Variants in ZNF101 observed in about 807,000 individuals in gnomAD.
ZNF101 encodes the protein zinc finger protein 101.
In ZNF101, 34 loss-of-function variants were observed where a neutral mutation model predicts 42.6. The ratio of observed to expected loss-of-function variants is 0.80; its 90% CI spans 0.61 to 1.06. The LOEUF is 1.06. Among genes scored for constraint, ZNF101 ranks in the 50% least tolerant of loss-of-function variants. The probability of loss-of-function intolerance (pLI) is 0.00; values close to 1 mark genes in which losing one functional copy is unlikely to be tolerated. For missense variants in ZNF101, 466 were observed against 530.9 expected, an observed-to-expected ratio of 0.88 and a Z score of 1.20; for synonymous variants, 158 against 183.9, an observed-to-expected ratio of 0.86 and a Z score of 1.14.
rs536276367 is a variant in ZNF101 at position 19,680,055 on chromosome 19, C to T, written c.1066C>T (p.His356Tyr). 24 of 1,613,830 alleles carry T rather than the reference C, an allele frequency of 1.5e-5. No individual in the cohort carries two copies. In the African/African-American group the frequency reaches 2.4e-4, roughly 16 times the overall value. ...TFNYPSCFRRHKKTHSGEKPY... is the reference protein window; with the variant it reads ...TFNYPSCFRRYKKTHSGEKPY... The stretch of plus-strand genomic sequence containing the variant: ...CAATTATCCCAGTTGTTTTCGAAGA[C>T]ATAAAAAAACTCATAGTGGAGAAAA... The change falls in exon 4 of 4, where the codon CAT becomes TAT. Residue 356 changes from histidine (H) to tyrosine (Y), a missense_variant. Physicochemically the swap from His to Tyr is moderately conservative, Grantham distance 83 (BLOSUM62 2). Coordinates refer to ENST00000592502, the MANE Select transcript of ZNF101 (RefSeq NM_033204.4).
At chr19:19,673,687 C>CTTTTTT (rs573395742) in intron 1 of ZNF101, among the ~76,000 whole-genome samples, 36 of 82,854 alleles carry the variant, frequency 4.3e-4, no homozygotes, top group Admixed American at 7.1e-4. Context: ...GCGTTCAATT[C>CTTTTTT]TTTTTTTTTT....
At chr19:19,673,248 C>CTTTT (rs34694853) in intron 1 of ZNF101, among the ~76,000 whole-genome samples, 6 of 116,130 alleles carry the variant, frequency 5.2e-5, no homozygotes, top group African/African-American at 1.0e-4. Context: ...AATGTGCTGG[C>CTTTT]TTTTTTTTTT....
intron 2 of ZNF101, 130 bp downstream of exon 2, chr19:19,678,120 A>T (rs750987597): frequency 1.8e-5 from 24 of 1,343,736 alleles, no homozygotes; most frequent in Non-Finnish European, 2.2e-5. Flanking sequence ...GGCCAGGTAC[A>T]GTGGCTTACC....
rs2062232718 is a variant in ZNF101 at position 19,680,310 on chromosome 19, G to A, written c.*10G>A. ...GAGCCCAGGAGTTTGAGACCAGCCT[G>A]GGCAACATAAGAAGGCCCCATATCG... On this transcript the variant is annotated 3_prime_UTR_variant, in exon 4 of 4. Transcript: ENST00000592502. 6.9e-7 allele frequency: 1 copy of A among 1,439,906 alleles called. No individual in the cohort carries two copies. The highest frequency in any genetic ancestry group is 1.4e-5 in the African/African-American group (1 of 69,636). The allele number at this position is 1,439,906 out of a possible 1,614,324, so 89.2% of individuals were successfully genotyped here. A position where few individuals can be genotyped will look rare whatever the true frequency, so the allele number is the denominator to read the frequency against.
Position 19,679,682 on chromosome 19 carries a change from A to C in ZNF101, c.693A>C (p.Gly231=). 1.2e-6 allele frequency: 2 copies of C among 1,614,144 alleles called. No individual in the cohort carries two copies. Among genetic ancestry groups the C allele is most frequent in the Non-Finnish European group, 1.7e-6 (2 of 1,180,006 alleles). Residue 231 remains glycine, a synonymous_variant, in exon 4 of 4, where the codon GGA becomes GGC. Coordinates refer to ENST00000592502, the MANE Select transcript of ZNF101 (RefSeq NM_033204.4). The part of the protein sequence containing the change: ...GEKRYECKYC[G]KPIDYPSLFQ... Reference sequence around the variant, plus strand: ...AACGCTATGAATGTAAATACTGTGGAAAACCTATCGATTATCCCAGTTTAT... The same window carrying C: ...AACGCTATGAATGTAAATACTGTGGCAAACCTATCGATTATCCCAGTTTAT...
At chr19:19,675,469 C>T (rs1004438327) in intron 1 of ZNF101, among the ~76,000 whole-genome samples, 7 of 152,210 alleles carry the variant, frequency 4.6e-5, no homozygotes, top group Admixed American at 1.3e-4. Context: ...CAATCTCCTG[C>T]TACTACAGCT....
At chr19:19,672,927 A>G (rs1266798625) in intron 1 of ZNF101, among the ~76,000 whole-genome samples, 1 of 152,058 alleles carries the variant, frequency 6.6e-6, no homozygotes, top group Non-Finnish European at 1.5e-5. Context: ...GGGTAGTAGT[A>G]CCTTCCAAAT....
intron 1 of ZNF101, 120 bp from the exon 2 acceptor site, chr19:19,677,744 T>A: frequency 4.9e-6 from 7 of 1,415,032 alleles, no homozygotes; most frequent in Non-Finnish European, 5.7e-6. Context: ...AGGAGGCCGA[T>A]GACTCAATCA....
chr19:19,673,203 G>GGCC, intron 1 of ZNF101, among the ~76,000 whole-genome samples: 1 of 150,320 alleles, frequency 6.7e-6, no homozygotes, highest in South Asian at 2.1e-4. Context: ...TGCCTGCCTT[G>GGCC]GCCTCCCAAA....
At chr19:19,674,597 T>C (rs1007149379) in intron 1 of ZNF101, among the ~76,000 whole-genome samples, 1 of 152,236 alleles carries the variant, frequency 6.6e-6, no homozygotes, top group Non-Finnish European at 1.5e-5. Flanking sequence ...GAGGATTTTT[T>C]GCATTGATAT....
chr19:19,672,163 T>C (rs2062174758), intron 1 of ZNF101: 1 of 148,620 alleles, frequency 6.7e-6, no homozygotes, highest in Non-Finnish European at 1.5e-5. Context: ...TATGTATGAT[T>C]ATATATATAT....
chr19:19,678,687 T>A, intron 2 of ZNF101, 39 bp from the exon 3 acceptor site: 1 of 1,535,642 alleles, frequency 6.5e-7, no homozygotes, highest in Non-Finnish European at 8.8e-7. Flanking sequence ...TCTGTAATTT[T>A]AAATAATTCA....
intron 1 of ZNF101, among the ~76,000 whole-genome samples, chr19:19,672,779 G>C (rs2062178886): frequency 1.3e-5 from 2 of 151,884 alleles, no homozygotes; most frequent in African/African-American, 4.8e-5. Flanking sequence ...CTCCCACTTC[G>C]ACCTCCCAAA....
At position 19,679,815 on chromosome 19, in the gene ZNF101, C is replaced by CA; in HGVS notation, c.827dup (p.His276GlnfsTer26). 6.2e-7 allele frequency: 1 copy of CA among 1,613,728 alleles called. No homozygotes were observed. Among genetic ancestry groups the CA allele is most frequent in the Non-Finnish European group, 8.5e-7 (1 of 1,179,928 alleles). ...CCTTCGGACACATGAAATCAGATCT[C>CA]ACGCGCTGGAGAAATCCCACCAATG... On this transcript the variant is annotated frameshift_variant, in exon 4 of 4. Transcript: ENST00000592502. LOFTEE classifies it high-confidence loss of function.
chr19:19,671,265 C>A (rs2062167934), intron 1 of ZNF101, among the ~76,000 whole-genome samples: 1 of 152,184 alleles, frequency 6.6e-6, no homozygotes, highest in Non-Finnish European at 1.5e-5. Context: ...CAGATTAACG[C>A]TGAATCCTTT....
At chr19:19,668,399 G>C (rs537398078), upstream of ZNF101, among the ~76,000 whole-genome samples, 1 of 152,044 alleles carries the variant, frequency 6.6e-6, no homozygotes, top group Non-Finnish European at 1.5e-5. Flanking sequence ...CAGGTGTTGT[G>C]ACCGCATCCT....
At chr19:19,672,692 A>T (rs1447338905) in intron 1 of ZNF101, among the ~76,000 whole-genome samples, 1 of 151,698 alleles carries the variant, frequency 6.6e-6, no homozygotes, top group African/African-American at 2.4e-5. Flanking sequence ...CGCCCAGCCA[A>T]TTTTTTGTAT....
intron 1 of ZNF101, among the ~76,000 whole-genome samples, chr19:19,675,839 T>C (rs907359081): frequency 5.9e-5 from 9 of 152,066 alleles, no homozygotes; most frequent in African/African-American, 2.2e-4. Flanking sequence ...GGAGAGCCTA[T>C]CTCTACAAAA....
intron 2 of ZNF101, 152 bp downstream of exon 2, chr19:19,678,142 A>T: frequency 4.2e-6 from 5 of 1,183,516 alleles, no homozygotes; most frequent in Non-Finnish European, 4.5e-6. Flanking sequence ...TTGTAATCCT[A>T]GTGCTTTGGG....
Sources: gnomAD v4.1 joint callset for allele counts (sites outside exome capture counted in the v4.1 genomes callset) on GRCh38, gnomAD v4.1.1 for gene constraint, MANE v1.5 for transcripts, NCBI Gene and HGNC (gene_info 2026-07-23, HGNC 2026-07-21) for gene names.